The following ADCY3 variants were observed in gnomAD, a reference collection of about 807,000 sequenced individuals.
ADCY3 encodes adenylate cyclase type 3.
A neutral mutation model predicts 119.4 loss-of-function variants in ADCY3; 70 were observed. The ratio of observed to expected loss-of-function variants is 0.59; its 90% CI spans 0.48 to 0.72. The LOEUF (loss-of-function observed/expected upper bound fraction) is 0.72. ADCY3 is among the 30% of genes least tolerant of loss of function. ADCY3 has a pLI of 0.00. For synonymous variants in ADCY3, 672 were observed against 621.4 expected (o/e 1.08, Z -1.21); for missense variants, 1,238 against 1,541.6 (o/e 0.80, Z 3.30).
chr2:24,861,721 C>T (rs1673680139), intron 3 of ADCY3, among the ~76,000 whole-genome samples: 1 of 152,192 alleles, frequency 6.6e-6, no homozygotes, highest in African/African-American at 2.4e-5. Context: ...AACGTCAGCC[C>T]CAATGCCTTG....
chr2:24,901,789 A>AT, intron 2 of ADCY3, among the ~76,000 whole-genome samples: 1 of 151,762 alleles, frequency 6.6e-6, no homozygotes, highest in East Asian at 1.9e-4. Context: ...TAAAAAAAAA[A>AT]AAAAGAAGAA....
chr2:24,840,474 G>A, intron 6 of ADCY3: 2 of 423,868 alleles, frequency 4.7e-6, no homozygotes, highest in Non-Finnish European at 9.9e-6. Context: ...CCACCCCTGG[G>A]GTAAAGGCCA....
Position 24,918,224 on chromosome 2 carries a change from A to G in ADCY3, c.675+89T>C. On this transcript the variant is annotated intron_variant, in intron 2 of 21. Coordinates refer to ENST00000679454, the MANE Select transcript of ADCY3 (RefSeq NM_004036.5). The surrounding 1 kb of genome is among the most constrained non-coding windows in gnomAD (Gnocchi z 5.4). ...GGCCCCCAGGACACATTTTGACTCA[A>G]AGGCAAAGCAAACAGCAACTCCAAC... The G allele has an allele frequency of 6.9e-7, 1 of 1,444,096 alleles. No individual in the cohort carries two copies. Among genetic ancestry groups the G allele is most frequent in the Non-Finnish European group, 9.3e-7 (1 of 1,075,786 alleles). 89.5% of individuals were successfully genotyped at this position (1,444,096 alleles called of 1,614,324 possible).
Position 24,827,866 on chromosome 2 carries a change from GAGAC to G in ADCY3, c.2432+32_2432+35del, listed in dbSNP as rs752824508. 2.5e-6 allele frequency: 4 copies of G among 1,609,974 alleles called. No homozygotes were observed. In the South Asian group the frequency reaches 4.4e-5, roughly 18 times the overall value. ...TGAGGACTTTGCGGGCGGGAGGAAG[GAGAC>G]AATACAGATCCCCAGTCACGCTTCA... On this transcript the variant is annotated intron_variant, in intron 14 of 21. Transcript: ENST00000679454.
rs1340384675 is a variant in ADCY3, at chr2:24,827,493, C to G, written c.2495+53G>C. ...GGGCTTGGGCCTGTTATATTCCTGT[C>G]TCTAGAAGAAGGGCTGTGAGTGCAG... On this transcript the variant is annotated intron_variant, in intron 15 of 21. Transcript: ENST00000679454. The G allele has an allele frequency of 6.5e-6, 10 of 1,546,434 alleles. No individual in the cohort carries two copies. The East Asian group carries it at 2.4e-4, about 37-fold the overall frequency.
At position 24,841,487 on chromosome 2, in the gene ADCY3, G is replaced by A. The variant is rs1438174514; in HGVS notation, c.1068+69C>T. Reference sequence around the variant, plus strand: ...ACAGTGGGAGAAAATCATGGGGCCGGGGATGGGGGCCAGGCAGAGGCCATG... The same window carrying A: ...ACAGTGGGAGAAAATCATGGGGCCGAGGATGGGGGCCAGGCAGAGGCCATG... On this transcript the variant is annotated intron_variant, in intron 5 of 21. Transcript: ENST00000679454. The surrounding 1 kb of genome is among the most constrained non-coding windows in gnomAD (Gnocchi z 5.8). The A allele has an allele frequency of 6.3e-7, 1 of 1,590,588 alleles. No homozygotes were observed. Among genetic ancestry groups the A allele is most frequent in the Non-Finnish European group, 8.6e-7 (1 of 1,166,176 alleles).
Position 24,872,738 on chromosome 2 carries a change from G to C in ADCY3, c.676-19C>G, listed in dbSNP as rs1338492089. 9.9e-6 allele frequency: 16 copies of C among 1,610,782 alleles called. No individual in the cohort carries two copies. The Admixed American group carries it at 2.7e-4, about 27-fold the overall frequency. ...CCAGGATCTGCACCCCAAGGAAGAA[G>C]AGAGAAAAGGCCAGGGGTGAAGGCA... On this transcript the variant is annotated intron_variant, in intron 2 of 21. Transcript: ENST00000679454. The surrounding 1 kb of genome is among the most constrained non-coding windows in gnomAD (Gnocchi z 4.4).
chr2:24,840,049 A>T lies in ADCY3; in HGVS notation c.1197-18T>A. On this transcript the variant is annotated intron_variant, in intron 6 of 21. Coordinates refer to ENST00000679454, the MANE Select transcript of ADCY3 (RefSeq NM_004036.5). The stretch of plus-strand genomic sequence containing the variant: ...GCACATACCTGCCAGGTACACACAG[A>T]AAGGAGGGTCAGGGTGTGGCCTTCA... The T allele has an allele frequency of 6.3e-7, 1 of 1,598,014 alleles. No individual in the cohort carries two copies. Among genetic ancestry groups the T allele is most frequent in the Non-Finnish European group, 8.6e-7 (1 of 1,167,460 alleles).
At chr2:24,874,278 G>T (rs79060266) in intron 2 of ADCY3, among the ~76,000 whole-genome samples, 1 of 151,766 alleles carries the variant, frequency 6.6e-6, no homozygotes, top group African/African-American at 2.4e-5. Flanking sequence ...CTCTGCTGGC[G>T]TCTGGTTCCA....
In ADCY3 at chr2:24,842,207, T is replaced by C. The variant is rs1572861698; in HGVS notation, c.956+47A>G. The C allele has an allele frequency of 1.2e-6, 2 of 1,611,486 alleles. No individual in the cohort carries two copies. Among genetic ancestry groups the C allele is most frequent in the East Asian group, 4.5e-5 (2 of 44,842 alleles). On this transcript the variant is annotated intron_variant, in intron 4 of 21. Coordinates refer to ENST00000679454, the MANE Select transcript of ADCY3 (RefSeq NM_004036.5). The surrounding 1 kb of genome is among the most constrained non-coding windows in gnomAD (Gnocchi z 4.9). ...AGCGGGTCCCACAAAGATGCAGCCC[T>C]CCACAGCCTGCTCTGCCATCAGAGC...
intron 2 of ADCY3, among the ~76,000 whole-genome samples, chr2:24,889,620 T>A (rs1410163351): frequency 6.6e-6 from 1 of 152,216 alleles, no homozygotes; most frequent in African/African-American, 2.4e-5. Flanking sequence ...GTGGGCCACT[T>A]GAGGTCAGGA....
intron 9 of ADCY3, 118 bp from the exon 10 acceptor site, chr2:24,835,054 C>A (rs73923437): frequency 1.5e-6 from 2 of 1,297,498 alleles, no homozygotes; most frequent in Non-Finnish European, 2.1e-6. Context: ...GAGGACCAAT[C>A]CCTCCAGCTC....
chr2:24,841,181 C>T lies in ADCY3; in HGVS notation c.1196+78G>A, dbSNP rs757127583. On this transcript the variant is annotated intron_variant, in intron 6 of 21. Transcript: ENST00000679454. The surrounding 1 kb of genome is among the most constrained non-coding windows in gnomAD (Gnocchi z 5.8). ...CCCCACCCAGGGGCCATGGCCAGCGCGGAAGACCTGCTTCTCCCTGGGTCC... is the reference window on the plus strand; with the variant it reads ...CCCCACCCAGGGGCCATGGCCAGCGTGGAAGACCTGCTTCTCCCTGGGTCC... 1.0e-4 allele frequency: 148 copies of T among 1,454,414 alleles called. 1 individual carries two copies. The highest frequency in any genetic ancestry group is 2.8e-4 in the Admixed American group (12 of 42,450). 90.1% of individuals were successfully genotyped at this position (1,454,414 alleles called of 1,614,324 possible).
In ADCY3 at chr2:24,919,178, G is replaced by T; in HGVS notation, c.-191C>A. Reference sequence around the variant, plus strand: ...TCCAGAGCACAGGTAGCACTGATCAGCTAGAACTGAAAAGGGCATTGCTGA... The same window carrying T: ...TCCAGAGCACAGGTAGCACTGATCATCTAGAACTGAAAAGGGCATTGCTGA... On this transcript the variant is annotated 5_prime_UTR_variant, in exon 2 of 22. In the 5' UTR this introduces an upstream ATG that the reference lacks. Transcript: ENST00000679454. The surrounding 1 kb of genome is among the most constrained non-coding windows in gnomAD (Gnocchi z 5.5). The T allele has an allele frequency of 1.6e-6, 1 of 607,490 alleles. No homozygotes were observed. Among genetic ancestry groups the T allele is most frequent in the Admixed American group, 3.0e-5 (1 of 33,582 alleles). 37.6% of individuals were successfully genotyped at this position (607,490 alleles called of 1,614,324 possible). A position where few individuals can be genotyped will look rare whatever the true frequency, so the allele number is the denominator to read the frequency against.
intron 16 of ADCY3, chr2:24,825,778 C>G: frequency 2.0e-6 from 1 of 499,672 alleles, no homozygotes; most frequent in South Asian, 2.5e-5. Flanking sequence ...ATGTTTGTGC[C>G]TTCACTCTAT....
chr2:24,821,370 T>C lies in ADCY3; in HGVS notation c.3127+147A>G, dbSNP rs1029697523. The C allele has an allele frequency of 5.8e-6, 7 of 1,217,108 alleles. No homozygotes were observed. The African/African-American group carries it at 1.1e-4, about 18-fold the overall frequency. The allele number at this position is 1,217,108 out of a possible 1,614,324, so 75.4% of individuals were successfully genotyped here. On this transcript the variant is annotated intron_variant, in intron 20 of 21. Coordinates refer to ENST00000679454, the MANE Select transcript of ADCY3 (RefSeq NM_004036.5). ...TCTAGAGTCGTCTGGACTAAAGGTC[T>C]TTCAGGTCTCCTTGCCCTGTGAGTG...
Position 24,841,684 on chromosome 2 carries a change from C to A in ADCY3, c.957-17G>T, listed in dbSNP as rs745967449. 6.2e-5 allele frequency: 99 copies of A among 1,603,852 alleles called. No individual in the cohort carries two copies. The East Asian group carries it at 1.3e-3, about 21-fold the overall frequency. On this transcript the variant is annotated splice_polypyrimidine_tract_variant and intron_variant, in intron 4 of 21. Transcript: ENST00000679454. The surrounding 1 kb of genome is among the most constrained non-coding windows in gnomAD (Gnocchi z 5.8). ...AAGAGGATGCTGCATGAGGAAGGAA[C>A]CGTGGGGGTGACGCTCCAGGCAGCC...
chr2:24,905,623 G>T (rs764179563), intron 2 of ADCY3, among the ~76,000 whole-genome samples: 4 of 152,176 alleles, frequency 2.6e-5, no homozygotes, highest in Non-Finnish European at 5.9e-5. Context: ...GCCACCAGGC[G>T]CCCTTGAGAC....
chr2:24,822,681 A>G, intron 18 of ADCY3, 51 bp from the exon 19 acceptor site: 1 of 1,600,664 alleles, frequency 6.2e-7, no homozygotes. Context: ...GAGAGGAATG[A>G]CCCAACCCAG....
Sources: gnomAD v4.1 joint callset for allele counts (sites outside exome capture counted in the v4.1 genomes callset) on GRCh38, gnomAD v4.1.1 for gene constraint, Gnocchi (gnomAD v3.1) non-coding constraint, MANE v1.5 for transcripts, NCBI Gene and HGNC (gene_info 2026-07-23, HGNC 2026-07-21) for gene names.